FHIP2A: variants seen among roughly 807,000 people sequenced by gnomAD.
The protein encoded by FHIP2A is family with sequence similarity 160 member B1.
FHIP2A carries 46 observed loss-of-function variants against 93.5 expected under a neutral mutation model. That is an observed-to-expected ratio of 0.49 (90% CI 0.39 to 0.63). FHIP2A has a LOEUF of 0.63. FHIP2A is among the 20% of genes least tolerant of loss of function. The pLI, the probability that FHIP2A is intolerant of heterozygous loss-of-function variation, is 0.00. For synonymous variants in FHIP2A, 332 were observed against 326.5 expected (o/e 1.02, Z -0.18); for missense variants, 769 against 909.7 (o/e 0.85, Z 1.99).
At chr10:114,857,852 G>GT (rs2143012876) in intron 14 of FHIP2A, among the ~76,000 whole-genome samples, 1 of 152,270 alleles carries the variant, frequency 6.6e-6, no homozygotes, top group South Asian at 2.1e-4. Flanking sequence ...ACTATTGTTT[G>GT]TAACGGTGGT....
intron 16 of FHIP2A, among the ~76,000 whole-genome samples, chr10:114,876,758 C>T (rs1357910169): frequency 1.3e-5 from 2 of 152,110 alleles, no homozygotes; most frequent in Non-Finnish European, 2.9e-5. Flanking sequence ...AGCACGGCCC[C>T]CTGGTCCTGT....
intron 5 of FHIP2A, among the ~76,000 whole-genome samples, chr10:114,839,629 A>G (rs2083656437): frequency 6.6e-6 from 1 of 152,150 alleles, no homozygotes; most frequent in South Asian, 2.1e-4. Flanking sequence ...CTGTAATCCC[A>G]GCACTTTGGT....
rs1335847600 is a variant in FHIP2A at position 114,846,186 on chromosome 10, G to A, written c.1217G>A (p.Gly406Asp). The A allele has an allele frequency of 6.2e-7, 1 of 1,614,030 alleles. No individual in the cohort carries two copies. The highest frequency in any genetic ancestry group is 8.5e-7 in the Non-Finnish European group (1 of 1,179,938). Residue 406 changes from glycine to aspartate, a missense_variant, in exon 10 of 17, where the codon GGT (glycine) becomes GAT (aspartate). Gly to Asp is a moderately conservative substitution (Grantham distance 94). Coordinates refer to ENST00000369248, the MANE Select transcript of FHIP2A (RefSeq NM_020940.4). ...TTCATTGTGCTCAGTTCTGAGATGGGTATTCTCACATCCACTGCTCTGCTT... is the reference window on the plus strand; with the variant it reads ...TTCATTGTGCTCAGTTCTGAGATGGATATTCTCACATCCACTGCTCTGCTT... ...EPQLMQTSEM[G>D]ILTSTALLHR...
intron 1 of FHIP2A, among the ~76,000 whole-genome samples, chr10:114,828,929 T>C (rs2143009706): frequency 6.6e-6 from 1 of 152,376 alleles, no homozygotes; most frequent in East Asian, 1.9e-4. Flanking sequence ...TTTCATCTTC[T>C]TGATTGAAAC....
At chr10:114,876,465 A>G (rs2083889803) in intron 16 of FHIP2A, among the ~76,000 whole-genome samples, 1 of 152,042 alleles carries the variant, frequency 6.6e-6, no homozygotes, top group Non-Finnish European at 1.5e-5. Flanking sequence ...TTATCTGTAA[A>G]ATGGGGATGG....
At chr10:114,837,312 C>T (rs374566112) in intron 5 of FHIP2A, among the ~76,000 whole-genome samples, 4 of 152,074 alleles carry the variant, frequency 2.6e-5, no homozygotes, top group Admixed American at 1.3e-4. Flanking sequence ...GTCAGGAGTT[C>T]GAGATCAGCC....
At chr10:114,856,090 ATGTT>A (rs2143012674) in intron 14 of FHIP2A, among the ~76,000 whole-genome samples, 1 of 152,340 alleles carries the variant, frequency 6.6e-6, no homozygotes, top group African/African-American at 2.4e-5. Flanking sequence ...TTTCAACTGT[ATGTT>A]AAAGTACGTG....
At chr10:114,877,151 G>A (rs1378766535) in intron 16 of FHIP2A, among the ~76,000 whole-genome samples, 1 of 152,134 alleles carries the variant, frequency 6.6e-6, no homozygotes, top group Non-Finnish European at 1.5e-5. Context: ...GCTGGAACGG[G>A]CTCAGAGCAC....
At chr10:114,857,619 C>A (rs894734928) in intron 14 of FHIP2A, among the ~76,000 whole-genome samples, 7 of 152,036 alleles carry the variant, frequency 4.6e-5, no homozygotes, top group Non-Finnish European at 1.0e-4. Context: ...CTTCTTCTTT[C>A]TTCTTTTTTC....
chr10:114,873,633 A>G (rs965699117), intron 16 of FHIP2A, among the ~76,000 whole-genome samples: 5 of 152,192 alleles, frequency 3.3e-5, no homozygotes, highest in Admixed American at 1.3e-4. Flanking sequence ...TTATATCAAT[A>G]CAAACTCATG....
At chr10:114,825,687 A>G (rs1350484113) in intron 1 of FHIP2A, among the ~76,000 whole-genome samples, 2 of 152,234 alleles carry the variant, frequency 1.3e-5, no homozygotes, top group Non-Finnish European at 2.9e-5. Flanking sequence ...GTCTGAATTC[A>G]GGCCTTTCTT....
downstream of FHIP2A, among the ~76,000 whole-genome samples, chr10:114,867,424 A>T (rs969340624): frequency 1.5e-4 from 23 of 152,214 alleles, no homozygotes; most frequent in Non-Finnish European, 5.9e-5. Flanking sequence ...AGACTATTGT[A>T]TAGTGAGAAG....
chr10:114,843,858 A>T lies in FHIP2A; in HGVS notation c.934A>T (p.Arg312Ter). The T allele has an allele frequency of 6.2e-7, 1 of 1,611,810 alleles. No homozygotes were observed. ...STCLCELLTD[R>*]LASLYKALPQ... The stretch of plus-strand genomic sequence containing the variant: ...TTGCTTGTGTGAACTACTGACAGAC[A>T]GACTTGCCTCCCTGTACAAGGCCCT... The change falls in exon 7 of 17, where the codon AGA becomes TGA. Residue 312 changes from arginine to a stop codon, truncating the protein, a stop_gained. Coordinates refer to ENST00000369248, the MANE Select transcript of FHIP2A (RefSeq NM_020940.4). LOFTEE classifies it high-confidence loss of function.
chr10:114,886,262 T>A (rs1263296242), intron 16 of FHIP2A, among the ~76,000 whole-genome samples: 1 of 152,200 alleles, frequency 6.6e-6, no homozygotes, highest in Non-Finnish European at 1.5e-5. Context: ...ATTAAGTAAC[T>A]CGCCAAAGGC....
At chr10:114,886,638 G>A (rs766957808) in intron 16 of FHIP2A, among the ~76,000 whole-genome samples, 4 of 152,098 alleles carry the variant, frequency 2.6e-5, no homozygotes, top group African/African-American at 4.8e-5. Flanking sequence ...TTCACCTCCC[G>A]TGTTCAAGCA....
intron 16 of FHIP2A, among the ~76,000 whole-genome samples, chr10:114,881,310 A>G (rs1033178254): frequency 1.3e-5 from 2 of 152,172 alleles, no homozygotes; most frequent in African/African-American, 4.8e-5. Flanking sequence ...AAAAGCCTTC[A>G]AGAGTAAGGG....
exon 17 of FHIP2A, chr10:114,899,503 T>C (rs1295395155): frequency 1.4e-6 from 1 of 718,556 alleles, no homozygotes. Flanking sequence ...GACGTTGCCT[T>C]CATGGTGGTA....
chr10:114,875,853 A>C lies in FHIP2A; in HGVS notation c.2192+14519A>C, dbSNP rs867233106. Among the ~76,000 whole-genome samples, 104 of 143,780 alleles carry C rather than the reference A, an allele frequency of 7.2e-4. 1 individual carries two copies. The highest frequency in any genetic ancestry group is 2.7e-3 in the African/African-American group (99 of 37,140). 94.3% of individuals were successfully genotyped at this position (143,780 alleles called of 152,430 possible). A position where few individuals can be genotyped will look rare whatever the true frequency, so the allele number is the denominator to read the frequency against. On this transcript the variant is annotated intron_variant, in intron 16 of 16. Transcript: ENST00000369250. ...AAGGTAAGAGAGAAAGAAAGAAAGA[A>C]AAAGAAAGAAAGAAAGAGAAAGAAA...
rs1228355196 is a variant in FHIP2A at position 114,843,837 on chromosome 10, T to G, written c.913T>G (p.Leu305Val). The G allele has an allele frequency of 1.2e-6, 2 of 1,612,184 alleles. No individual in the cohort carries two copies. The highest frequency in any genetic ancestry group is 2.2e-5 in the South Asian group (2 of 90,720). ...AAKCLTQSTC[L>V]CELLTDRLAS... Reference sequence around the variant, plus strand: ...AAAGTGCCTTACACAGAGCACTTGCTTGTGTGAACTACTGACAGACAGACT... The same window carrying G: ...AAAGTGCCTTACACAGAGCACTTGCGTGTGTGAACTACTGACAGACAGACT... The change falls in exon 7 of 17, where the codon TTG becomes GTG. Residue 305 changes from leucine to valine, a missense_variant. Coordinates refer to ENST00000369248, the MANE Select transcript of FHIP2A (RefSeq NM_020940.4).
Sources: gnomAD v4.1 joint callset for allele counts (sites outside exome capture counted in the v4.1 genomes callset) on GRCh38, gnomAD v4.1.1 for gene constraint, MANE v1.5 for transcripts, NCBI Gene and HGNC (gene_info 2026-07-23, HGNC 2026-07-21) for gene names.